OGFOD3: variants seen among roughly 807,000 people sequenced by gnomAD.
The protein encoded by OGFOD3 is 2-oxoglutarate and iron-dependent oxygenase domain-containing protein 3.
In OGFOD3, 35 loss-of-function variants were observed where a neutral mutation model predicts 39.8. That is an observed-to-expected ratio of 0.88 (90% CI 0.67 to 1.17). OGFOD3 has a LOEUF of 1.17. Ranked by LOEUF, OGFOD3 falls within the 50% of genes most tolerant of loss-of-function variation. The pLI, the probability that OGFOD3 is intolerant of heterozygous loss-of-function variation, is 0.00. For missense variants in OGFOD3, 438 were observed against 454.5 expected (o/e 0.96, Z 0.33); for synonymous variants, 200 against 192.0 (o/e 1.04, Z -0.34).
intron 2 of OGFOD3, among the ~76,000 whole-genome samples, chr17:82,412,939 C>A (rs761670029): frequency 6.6e-6 from 1 of 152,190 alleles, no homozygotes; most frequent in Non-Finnish European, 1.5e-5. Flanking sequence ...GCACTCAGTG[C>A]TGAGTGCCAG....
At chr17:82,411,731 G>A in intron 2 of OGFOD3, 1 of 548,748 alleles carries the variant, frequency 1.8e-6, no homozygotes, top group African/African-American at 1.9e-5. Context: ...GCTTCCAGTG[G>A]CTCCAACTGG....
chr17:82,413,494 G>A (rs982274447), intron 2 of OGFOD3, among the ~76,000 whole-genome samples: 6 of 152,158 alleles, frequency 3.9e-5, no homozygotes, highest in Non-Finnish European at 5.9e-5. Context: ...TACCCACAAC[G>A]TTGTGAAAAG....
Position 82,391,687 on chromosome 17 carries a change from C to A in OGFOD3, c.*711G>T, listed in dbSNP as rs1332905314. 6.6e-6 allele frequency: 1 copy of A among 152,552 alleles called. No homozygotes were observed. Among genetic ancestry groups the A allele is most frequent in the Non-Finnish European group, 1.5e-5 (1 of 68,376 alleles). 9.4% of individuals were successfully genotyped at this position (152,552 alleles called of 1,614,324 possible). On this transcript the variant is annotated 3_prime_UTR_variant, in exon 9 of 9. Transcript: ENST00000313056. This position sits in a 1 kb window ranked among gnomAD's most constrained non-coding sequence, Gnocchi z 5.1. ...CCTACCCTCGACCCAGCAGAAGGCC[C>A]ATGGGAGCCGGCACAGCGACGCCAA...
At chr17:82,410,538 G>C (rs900531699) in intron 3 of OGFOD3, among the ~76,000 whole-genome samples, 6 of 152,040 alleles carry the variant, frequency 3.9e-5, no homozygotes, top group African/African-American at 1.5e-4. Context: ...GCAGTGTCCC[G>C]GAGGCTCCGT....
Position 82,401,803 on chromosome 17 carries a change from CAAAAAA to C in OGFOD3, c.699+2128_699+2133del, listed in dbSNP as rs79956747. On this transcript the variant is annotated intron_variant, in intron 7 of 8. Coordinates refer to ENST00000313056, the MANE Select transcript of OGFOD3 (RefSeq NM_024648.3). Reference sequence around the variant, plus strand: ...TGGGTGGCAGAGCAAGACTCCATCTCAAAAAAAAAAAAAAAAAAAACAAAGACTGCC... The same window carrying C: ...TGGGTGGCAGAGCAAGACTCCATCTCAAAAAAAAAAAAAACAAAGACTGCC... Among the ~76,000 whole-genome samples the C allele has an allele frequency of 7.4e-3, 454 of 61,692 alleles. 13 individuals carry two copies. Among genetic ancestry groups the C allele is most frequent in the African/African-American group, 0.034 (412 of 12,090 alleles). The allele number at this position is 61,692 out of a possible 152,430, so 40.5% of individuals were successfully genotyped here.
chr17:82,399,009 T>A (rs998771947), intron 7 of OGFOD3, among the ~76,000 whole-genome samples: 1 of 16,678 alleles, frequency 6.0e-5, no homozygotes, highest in East Asian at 9.4e-4. Context: ...TGGGGCGGGG[T>A]GGTGGGGGCA....
Position 82,410,360 on chromosome 17 carries a change from T to C in OGFOD3, c.381-950A>G, listed in dbSNP as rs943944977. Among the ~76,000 whole-genome samples the C allele has an allele frequency of 2.0e-5, 3 of 152,372 alleles. No homozygotes were observed. The East Asian group carries it at 5.8e-4, about 29-fold the overall frequency. ...GGCTGCACACCATTCCACATGCTTATCGTCTCAACAAGTGGTTGGAAAATC... is the reference window on the plus strand; with the variant it reads ...GGCTGCACACCATTCCACATGCTTACCGTCTCAACAAGTGGTTGGAAAATC... On this transcript the variant is annotated intron_variant, in intron 3 of 8. Transcript: ENST00000313056.
chr17:82,410,509 G>A (rs1240217743), intron 3 of OGFOD3, among the ~76,000 whole-genome samples: 1 of 152,206 alleles, frequency 6.6e-6, no homozygotes, highest in African/African-American at 2.4e-5. Flanking sequence ...TTTCAGAGCA[G>A]ACACTGAGCG....
rs140153882 is a variant in OGFOD3 at position 82,409,367 on chromosome 17, C to T, written c.423+1G>A. ...GGGGGCAGGGACTACATTCAACTCA[C>T]CCCTCCGTCAGATCCTCCCAGGGAG... On this transcript the variant is annotated splice_donor_variant, in intron 4 of 8. Transcript: ENST00000313056. LOFTEE classifies it high-confidence loss of function. 9.1e-4 allele frequency: 1,473 copies of T among 1,613,830 alleles called. 3 individuals are homozygous for T. Among genetic ancestry groups the T allele is most frequent in the Middle Eastern group, 2.3e-3 (14 of 5,984 alleles).
Position 82,394,472 on chromosome 17 carries a change from C to G in OGFOD3, c.824-1938G>C, listed in dbSNP as rs542860141. 52 of 1,614,052 alleles carry G rather than the reference C, an allele frequency of 3.2e-5. No homozygotes were observed. In the African/African-American group the frequency reaches 5.9e-4, roughly 18 times the overall value. The stretch of plus-strand genomic sequence containing the variant: ...GGACACCTGACTCCAGCCTTCGCAC[C>G]AGCAGCTTCACTGGCTCTCGGTCCA... On this transcript the variant is annotated intron_variant, in intron 8 of 8. Transcript: ENST00000313056.
intron 7 of OGFOD3, 153 bp downstream of exon 7, chr17:82,403,784 A>ACTCACCCTGCCCACGTGCGTT: frequency 1.0e-6 from 1 of 982,518 alleles, no homozygotes; most frequent in Non-Finnish European, 1.5e-6. Context: ...CCACGTGCGT[A>ACTCACCCTGCCCACGTGCGTT]CTCACCCTGC....
At chr17:82,408,767 G>T (rs946068969) in intron 4 of OGFOD3, among the ~76,000 whole-genome samples, 16 of 152,156 alleles carry the variant, frequency 1.1e-4, no homozygotes, top group Non-Finnish European at 2.2e-4. Context: ...CTAAATCTGG[G>T]ATGATGTCAT....
chr17:82,395,913 G>A (rs1287347713), intron 8 of OGFOD3, among the ~76,000 whole-genome samples: 1 of 151,812 alleles, frequency 6.6e-6, no homozygotes, highest in Non-Finnish European at 1.5e-5. Flanking sequence ...TAAACACATA[G>A]ATACAATTAG....
In OGFOD3 at chr17:82,404,487, G is replaced by T. The variant is rs1333072314; in HGVS notation, c.546-397C>A. ...ACGTGAGTGTGCGGGGTGTGTGGAC[G>T]TGGGGAGAGGGGAGTGGGTGTCGAG... On this transcript the variant is annotated intron_variant, in intron 6 of 8. Transcript: ENST00000313056. The surrounding 1 kb of genome is among the most constrained non-coding windows in gnomAD (Gnocchi z 4.5). 6.6e-5 allele frequency among the ~76,000 whole-genome samples: 10 copies of T among 152,186 alleles called. No homozygotes were observed. Among genetic ancestry groups the T allele is most frequent in the Admixed American group, 6.5e-4 (10 of 15,276 alleles).
chr17:82,403,296 G>C (rs2052795492), intron 7 of OGFOD3, among the ~76,000 whole-genome samples: 1 of 152,124 alleles, frequency 6.6e-6, no homozygotes, highest in African/African-American at 2.4e-5. Flanking sequence ...CCATCAGTGA[G>C]ATTGAGGGTG....
intron 3 of OGFOD3, 76 bp downstream of exon 3, chr17:82,411,379 A>G (rs2052939624): frequency 2.2e-6 from 3 of 1,343,250 alleles, no homozygotes; most frequent in Non-Finnish European, 3.2e-6. Context: ...ATTACTAACA[A>G]TGCTCTGCTT....
In OGFOD3 at chr17:82,392,461, G is replaced by T; in HGVS notation, c.897C>A (p.Tyr299Ter). The T allele has an allele frequency of 6.2e-7, 1 of 1,611,906 alleles. No homozygotes were observed. The highest frequency in any genetic ancestry group is 8.5e-7 in the Non-Finnish European group (1 of 1,179,284). The change falls in exon 9 of 9, where the codon TAC (tyrosine) becomes TAA (stop). Residue 299 changes from tyrosine to a stop codon, truncating the protein, a stop_gained. Coordinates refer to ENST00000313056, the MANE Select transcript of OGFOD3 (RefSeq NM_024648.3). LOFTEE classifies it high-confidence loss of function. The surrounding 1 kb of genome is among the most constrained non-coding windows in gnomAD (Gnocchi z 4.2). The stretch of plus-strand genomic sequence containing the variant: ...TGCAGCTGAAGGCGATGGTGATGGC[G>T]TAACGGGTGCCCCAGTGGACCTTCT... ...RVEKVHWGTR[Y>*]AITIAFSCNP...
intron 8 of OGFOD3, among the ~76,000 whole-genome samples, chr17:82,394,764 G>A (rs556933494): frequency 2.0e-5 from 3 of 152,308 alleles, no homozygotes; most frequent in South Asian, 2.1e-4. Context: ...ATGGTGGGAC[G>A]TGGGCCACAG....
At chr17:82,414,860 T>G (rs766731534) in intron 2 of OGFOD3, among the ~76,000 whole-genome samples, 2 of 152,214 alleles carry the variant, frequency 1.3e-5, no homozygotes, top group Non-Finnish European at 2.9e-5. Flanking sequence ...ACAGGGGGTG[T>G]GCGGTGGCCG....
Sources: allele counts gnomAD v4.1 joint callset (sites outside exome capture counted in the v4.1 genomes callset), GRCh38; gene constraint gnomAD v4.1.1; non-coding constraint Gnocchi (gnomAD v3.1); transcripts MANE v1.5; gene names NCBI Gene and HGNC (gene_info 2026-07-23, HGNC 2026-07-21).